The following TRPC5 variants were observed in gnomAD, a reference collection of about 807,000 sequenced individuals.
TRPC5 encodes the protein short transient receptor potential channel 5.
Under a neutral mutation model 56.5 loss-of-function variants are expected in TRPC5, and 9 were observed. That is an observed-to-expected ratio of 0.16 (90% confidence interval 0.10 to 0.28). The LOEUF (loss-of-function observed/expected upper bound fraction) is 0.28, where lower values mean the gene tolerates loss of function less well. TRPC5 is among the 10% of genes least tolerant of loss of function. TRPC5 has a pLI of 1.00. For synonymous variants in TRPC5, 282 were observed against 278.5 expected (o/e 1.01, Z -0.13); for missense variants, 469 against 748.9 (o/e 0.63, Z 4.36).
chrX:111,907,494 G>A (rs1452012838), intron 3 of TRPC5, among the ~76,000 whole-genome samples: 1 of 109,981 alleles, frequency 9.1e-6, no homozygotes, highest in African/African-American at 3.3e-5. Flanking sequence ...GCGTGGTGGT[G>A]CATGCCTGTA....
intron 1 of TRPC5, among the ~76,000 whole-genome samples, chrX:112,071,935 T>C (rs1353535156): frequency 8.9e-6 from 1 of 112,165 alleles, no homozygotes; most frequent in East Asian, 2.8e-4. Context: ...TCAGTGACTT[T>C]AAGGCCATCA....
At chrX:111,899,563 CT>C (rs1477037870) in intron 3 of TRPC5, among the ~76,000 whole-genome samples, 1 of 110,440 alleles carries the variant, frequency 9.1e-6, no homozygotes, top group African/African-American at 3.3e-5. Context: ...GATAGAGAAG[CT>C]GAGAAAAAAA....
chrX:112,032,346 CA>C lies in TRPC5; in HGVS notation c.-22+49532del, dbSNP rs59674570. Among the ~76,000 whole-genome samples, 66 of 96,380 alleles carry C rather than the reference CA, an allele frequency of 6.8e-4. No homozygotes were observed. The South Asian group carries it at 8.6e-3, about 13-fold the overall frequency. The allele number at this position is 96,380 out of a possible 115,157, so 83.7% of individuals were successfully genotyped here. On this transcript the variant is annotated intron_variant, in intron 1 of 10. Transcript: ENST00000262839. Reference sequence around the variant, plus strand: ...TATGGACAACAGTATGAAGGTTCCTCAAAAAAAAAAAAATAGAACTCTCATA... The same window carrying C: ...TATGGACAACAGTATGAAGGTTCCTCAAAAAAAAAAAATAGAACTCTCATA...
chrX:111,838,045 C>T (rs1922617921), intron 6 of TRPC5, among the ~76,000 whole-genome samples: 1 of 110,212 alleles, frequency 9.1e-6, no homozygotes, highest in Non-Finnish European at 1.9e-5. Flanking sequence ...GCACTCCAGC[C>T]TGGGTGACAG....
At chrX:111,958,540 G>T (rs1927293923) in intron 1 of TRPC5, among the ~76,000 whole-genome samples, 1 of 111,993 alleles carries the variant, frequency 8.9e-6, no homozygotes, top group Non-Finnish European at 1.9e-5. Context: ...AGAATGCTCT[G>T]TTGGCAGAGC....
chrX:111,971,849 A>T (rs1404972535), intron 1 of TRPC5, among the ~76,000 whole-genome samples: 1 of 111,700 alleles, frequency 9.0e-6, no homozygotes, highest in African/African-American at 3.3e-5. Flanking sequence ...ATATTGCTGT[A>T]AGTTTAATTT....
intron 7 of TRPC5, among the ~76,000 whole-genome samples, chrX:111,789,926 T>C (rs1298506723): frequency 8.9e-6 from 1 of 111,853 alleles, no homozygotes. Flanking sequence ...CTGGAGAGGA[T>C]GTGGAGAAAT....
At chrX:112,058,471 A>G (rs773507692) in intron 1 of TRPC5, among the ~76,000 whole-genome samples, 12 of 109,468 alleles carry the variant, frequency 1.1e-4, no homozygotes, top group Admixed American at 5.8e-4. Context: ...CTCTGGTGTC[A>G]TAGGGTTAAG....
At chrX:112,048,808 T>C (rs1178210140) in intron 1 of TRPC5, among the ~76,000 whole-genome samples, 1 of 112,219 alleles carries the variant, frequency 8.9e-6, no homozygotes, top group Non-Finnish European at 1.9e-5. Flanking sequence ...TGAGCATGGT[T>C]AACTCATGAG....
chrX:111,837,125 C>A (rs1373922405), intron 6 of TRPC5, among the ~76,000 whole-genome samples: 1 of 112,056 alleles, frequency 8.9e-6, no homozygotes, highest in Non-Finnish European at 1.9e-5. Context: ...AGTTGAGAAT[C>A]AAAAGTAAGA....
intron 1 of TRPC5, among the ~76,000 whole-genome samples, chrX:112,049,026 C>G (rs1930142000): frequency 8.9e-6 from 1 of 111,801 alleles, no homozygotes; most frequent in Non-Finnish European, 1.9e-5. Flanking sequence ...AACAGAAGTT[C>G]TAGACCTGCT....
intron 1 of TRPC5, among the ~76,000 whole-genome samples, chrX:111,997,101 C>T (rs376927428): frequency 1.8e-5 from 2 of 111,894 alleles, no homozygotes; most frequent in South Asian, 3.8e-4. Context: ...CATCGATGCT[C>T]TTTACAATTT....
chrX:112,038,674 C>CT (rs776033044), intron 1 of TRPC5, among the ~76,000 whole-genome samples: 50 of 109,231 alleles, frequency 4.6e-4, no homozygotes, highest in African/African-American at 1.6e-3. Context: ...TAGGGCCTCA[C>CT]TTTTTTTTTA....
intron 1 of TRPC5, among the ~76,000 whole-genome samples, chrX:112,035,809 G>A (rs867983376): frequency 1.9e-5 from 2 of 108,056 alleles, no homozygotes; most frequent in African/African-American, 3.4e-5. Context: ...TTTTTTGTAT[G>A]TTTAGGAGAG....
chrX:112,003,517 G>A (rs1364956856), intron 1 of TRPC5, among the ~76,000 whole-genome samples: 1 of 110,711 alleles, frequency 9.0e-6, no homozygotes, highest in Admixed American at 9.7e-5. Context: ...TGACTCGGGT[G>A]TTTCTTAATG....
chrX:111,789,648 A>T (rs1946001494), intron 7 of TRPC5, among the ~76,000 whole-genome samples: 2 of 112,166 alleles, frequency 1.8e-5, no homozygotes, highest in African/African-American at 6.5e-5. Context: ...ATGGGAGAAA[A>T]TTTGTGCAAT....
At chrX:112,027,597 C>A (rs765593477) in intron 1 of TRPC5, among the ~76,000 whole-genome samples, 1 of 111,109 alleles carries the variant, frequency 9.0e-6, no homozygotes, top group African/African-American at 3.3e-5. Flanking sequence ...CCCGGGTTCA[C>A]GCCATTCTCC....
intron 5 of TRPC5, among the ~76,000 whole-genome samples, chrX:111,851,988 G>A: frequency 8.9e-6 from 1 of 112,192 alleles, no homozygotes; most frequent in Middle Eastern, 4.6e-3. Context: ...CCCCATGCAA[G>A]CATCACTGGG....
In TRPC5 at chrX:111,774,387, C is replaced by A. The variant is rs1219616411; in HGVS notation, c.*1926G>T. 1.8e-5 allele frequency: 2 copies of A among 111,987 alleles called. No individual in the cohort carries two copies. The highest frequency in any genetic ancestry group is 3.8e-5 in the Non-Finnish European group (2 of 53,167). The allele number at this position is 111,987 out of a possible 1,213,427, so 9.2% of individuals were successfully genotyped here. A position where few individuals can be genotyped will look rare whatever the true frequency, so the allele number is the denominator to read the frequency against. Reference sequence around the variant, plus strand: ...AAAGTGAATTTGACAATTTGAAAAGCTGAATCTGTAACTTTAGAAACCTTT... The same window carrying A: ...AAAGTGAATTTGACAATTTGAAAAGATGAATCTGTAACTTTAGAAACCTTT... On this transcript the variant is annotated 3_prime_UTR_variant, in exon 11 of 11. Transcript: ENST00000262839.
Sources: allele counts gnomAD v4.1 joint callset (sites outside exome capture counted in the v4.1 genomes callset), GRCh38; gene constraint gnomAD v4.1.1; transcripts MANE v1.5; gene names NCBI Gene and HGNC (gene_info 2026-07-23, HGNC 2026-07-21).